The following FHOD3 variants were observed in gnomAD, a reference collection of about 807,000 sequenced individuals.
FHOD3 encodes FH1/FH2 domain-containing protein 3.
Under a neutral mutation model 173.0 loss-of-function variants are expected in FHOD3, and 90 were observed. The observed-to-expected ratio is 0.52, with a 90% confidence interval of 0.44 to 0.62. The LOEUF (loss-of-function observed/expected upper bound fraction) is 0.62, where lower values mean the gene tolerates loss of function less well. FHOD3 is among the 20% of genes least tolerant of loss of function. The probability of loss-of-function intolerance (pLI) is 0.00; values close to 1 mark genes in which losing one functional copy is unlikely to be tolerated. For synonymous variants in FHOD3, 828 were observed against 823.0 expected (o/e 1.01, Z -0.10); for missense variants, 1,945 against 2,034.7 (o/e 0.96, Z 0.85).
Position 36,512,472 on chromosome 18 carries a change from C to T in FHOD3, c.440C>T (p.Ala147Val), listed in dbSNP as rs1163966087. The change falls in exon 5 of 29, where the codon GCT becomes GTT. Residue 147 changes from alanine (A) to valine (V), a missense_variant. By Grantham distance (64) the Ala-to-Val change is moderately conservative. Coordinates refer to ENST00000590592, the MANE Select transcript of FHOD3 (RefSeq NM_001281740.3). ...DKDLVHEFVV[A>V]EGLTCLIKVG... Reference sequence around the variant, plus strand: ...GATTTGGTGCATGAATTTGTAGTGGCTGAAGGTCTGACATGTTTGATCAAG... The same window carrying T: ...GATTTGGTGCATGAATTTGTAGTGGTTGAAGGTCTGACATGTTTGATCAAG... 6.2e-7 allele frequency: 1 copy of T among 1,614,038 alleles called. No homozygotes were observed. Among genetic ancestry groups the T allele is most frequent in the South Asian group, 1.1e-5 (1 of 91,064 alleles).
intron 3 of FHOD3, among the ~76,000 whole-genome samples, chr18:36,406,095 G>GTTTT (rs869207082): frequency 1.7e-5 from 2 of 120,004 alleles, no homozygotes; most frequent in South Asian, 3.3e-4. Flanking sequence ...TTTTGTTTTT[G>GTTTT]TTTTTTTGTT....
intron 14 of FHOD3, among the ~76,000 whole-genome samples, chr18:36,677,930 A>G (rs1025782395): frequency 1.3e-5 from 2 of 152,172 alleles, no homozygotes; most frequent in African/African-American, 4.8e-5. Flanking sequence ...TCATATTATT[A>G]GTTAAGTAAT....
chr18:36,652,805 G>T lies in FHOD3; in HGVS notation c.1522G>T (p.Val508Leu). The change falls in exon 12 of 29, where the codon GTG becomes TTG. Residue 508 changes from valine to leucine, a missense_variant. Around this residue, in one of 5 missense-constraint regions of FHOD3, gnomAD observed 1,099 missense variants for 1,051.2 expected, o/e 1.05. Transcript: ENST00000590592. ...PSSATPGSLKVSPTIDKLPYV... is the reference protein window; with the variant it reads ...PSSATPGSLKLSPTIDKLPYV... ...CTCCGCCACACCAGGCTCCCTGAAG[G>T]TGTCACCGACCATAGACAAGCTGCC... 2.0e-6 allele frequency: 3 copies of T among 1,535,962 alleles called. No individual in the cohort carries two copies. Among genetic ancestry groups the T allele is most frequent in the Non-Finnish European group, 2.6e-6 (3 of 1,146,734 alleles).
intron 3 of FHOD3, among the ~76,000 whole-genome samples, chr18:36,471,909 A>T (rs1485571433): frequency 6.6e-6 from 1 of 152,214 alleles, no homozygotes; most frequent in Admixed American, 6.5e-5. Flanking sequence ...GTTTGTGGGC[A>T]ATGACAAAAT....
At chr18:36,776,688 T>C (rs1405994640) in intron 28 of FHOD3, among the ~76,000 whole-genome samples, 1 of 152,194 alleles carries the variant, frequency 6.6e-6, no homozygotes, top group East Asian at 1.9e-4. Context: ...GCTAAGGGAA[T>C]GAAGCCTATG....
At chr18:36,736,121 G>T (rs1290515418) in intron 20 of FHOD3, among the ~76,000 whole-genome samples, 3 of 152,238 alleles carry the variant, frequency 2.0e-5, no homozygotes, top group African/African-American at 7.2e-5. Context: ...CCTCTAGGGA[G>T]TGGGAGCACA....
chr18:36,489,369 A>G (rs2054348340), intron 3 of FHOD3, among the ~76,000 whole-genome samples: 1 of 152,212 alleles, frequency 6.6e-6, no homozygotes, highest in Non-Finnish European at 1.5e-5. Context: ...CCCTGTTCAC[A>G]AGCAAAACCA....
At chr18:36,751,460 G>A (rs567437271) in intron 24 of FHOD3, among the ~76,000 whole-genome samples, 14 of 152,236 alleles carry the variant, frequency 9.2e-5, no homozygotes, top group East Asian at 5.8e-4. Context: ...ATTTGAATGC[G>A]CTTTATTTCT....
chr18:36,670,384 G>A (rs1470213098), intron 14 of FHOD3, among the ~76,000 whole-genome samples: 2 of 151,926 alleles, frequency 1.3e-5, no homozygotes, highest in Admixed American at 6.6e-5. Flanking sequence ...GTCATTTGAA[G>A]TTTCCACAAA....
intron 5 of FHOD3, among the ~76,000 whole-genome samples, chr18:36,551,401 C>T (rs186908985): frequency 3.9e-4 from 59 of 151,874 alleles, no homozygotes; most frequent in African/African-American, 1.4e-3. Context: ...GAAATATTTG[C>T]CCCTCTTCAA....
chr18:36,355,304 A>G (rs2046308935), intron 1 of FHOD3, among the ~76,000 whole-genome samples: 2 of 152,192 alleles, frequency 1.3e-5, no homozygotes, highest in Admixed American at 6.5e-5. Context: ...TCAGTGGCTT[A>G]GGGCCCAGAG....
chr18:36,644,687 C>G (rs2035562501), intron 10 of FHOD3, among the ~76,000 whole-genome samples: 1 of 152,246 alleles, frequency 6.6e-6, no homozygotes, highest in South Asian at 2.1e-4. Flanking sequence ...ATCTGTGAGA[C>G]AGCCATTTGG....
chr18:36,650,908 G>A (rs1289041462), intron 11 of FHOD3, among the ~76,000 whole-genome samples: 2 of 152,204 alleles, frequency 1.3e-5, no homozygotes, highest in East Asian at 1.9e-4. Context: ...ACAAAGTGAT[G>A]CCAGAGGGCA....
At chr18:36,431,184 A>G (rs2050531063) in intron 3 of FHOD3, among the ~76,000 whole-genome samples, 1 of 152,236 alleles carries the variant, frequency 6.6e-6, no homozygotes, top group Non-Finnish European at 1.5e-5. Context: ...ATTTATATGA[A>G]AGATCTATGT....
chr18:36,757,561 A>G (rs1409743512), intron 25 of FHOD3, among the ~76,000 whole-genome samples: 1 of 152,240 alleles, frequency 6.6e-6, no homozygotes, highest in Non-Finnish European at 1.5e-5. Flanking sequence ...TGGAGCTAGA[A>G]GAGATTTTAG....
At chr18:36,477,181 G>A (rs2053618688) in intron 3 of FHOD3, among the ~76,000 whole-genome samples, 1 of 152,104 alleles carries the variant, frequency 6.6e-6, no homozygotes, top group Admixed American at 6.5e-5. Context: ...GTGTGCACAA[G>A]GGTGGTCAGA....
At chr18:36,748,364 GCACACACACACACACACAA>G (rs1173092975) in intron 24 of FHOD3, among the ~76,000 whole-genome samples, 1 of 140,724 alleles carries the variant, frequency 7.1e-6, no homozygotes, top group African/African-American at 2.7e-5. Context: ...ACACGCACGC[GCACACACACACACACACAA>G]CACACACACA....
chr18:36,480,755 C>T (rs997128), intron 3 of FHOD3, among the ~76,000 whole-genome samples: 2 of 152,016 alleles, frequency 1.3e-5, no homozygotes, highest in Non-Finnish European at 2.9e-5. Flanking sequence ...GACCAACCTC[C>T]ATATTAGTAA....
chr18:36,619,982 G>T (rs1409964343), intron 9 of FHOD3, among the ~76,000 whole-genome samples: 2 of 152,180 alleles, frequency 1.3e-5, no homozygotes, highest in African/African-American at 4.8e-5. Flanking sequence ...GAGCCTGGGG[G>T]ACATTGAGAT....
Sources: allele counts gnomAD v4.1 joint callset (sites outside exome capture counted in the v4.1 genomes callset), GRCh38; gene constraint gnomAD v4.1.1; regional missense constraint gnomAD v4.1.1; transcripts MANE v1.5; gene names NCBI Gene and HGNC (gene_info 2026-07-23, HGNC 2026-07-21).